Variants in RYR2 observed in about 807,000 individuals in gnomAD.
The protein encoded by RYR2 is cardiac muscle ryanodine receptor-calcium release channel.
A neutral mutation model predicts 601.1 loss-of-function variants in RYR2; 227 were observed. The ratio of observed to expected loss-of-function variants is 0.38; its 90% confidence interval spans 0.34 to 0.42. RYR2 has a LOEUF of 0.42. Among genes scored for constraint, RYR2 ranks in the 10% least tolerant of loss-of-function variants. The probability of loss-of-function intolerance (pLI) is 1.00; values close to 1 mark genes in which losing one functional copy is unlikely to be tolerated. For missense variants in RYR2, 4,646 were observed against 6,156.5 expected (o/e 0.75, Z 8.21); for synonymous variants, 2,223 against 2,175.1 (o/e 1.02, Z -0.61).
intron 1 of RYR2, among the ~76,000 whole-genome samples, chr1:237,108,281 C>T (rs1422180368): frequency 6.6e-6 from 1 of 152,076 alleles, no homozygotes; most frequent in African/African-American, 2.4e-5. Context: ...ATCGGAGGGG[C>T]CCAGTATATG....
chr1:237,766,844 C>T (rs996060635), intron 84 of RYR2, among the ~76,000 whole-genome samples: 6 of 152,128 alleles, frequency 3.9e-5, no homozygotes, highest in Non-Finnish European at 7.4e-5. Flanking sequence ...TGGTCATTTT[C>T]GTTGTCTTGG....
At chr1:237,274,911 A>G (rs959286253) in intron 2 of RYR2, among the ~76,000 whole-genome samples, 36 of 152,124 alleles carry the variant, frequency 2.4e-4, no homozygotes, top group African/African-American at 8.2e-4. Context: ...AATAGGCTAT[A>G]CCGTACATAC....
intron 8 of RYR2, among the ~76,000 whole-genome samples, chr1:237,386,416 G>A (rs542934072): frequency 2.2e-4 from 34 of 152,224 alleles, no homozygotes; most frequent in Non-Finnish European, 4.7e-4. Flanking sequence ...AAGATTTCTG[G>A]GAAATTTCTG....
intron 1 of RYR2, among the ~76,000 whole-genome samples, chr1:237,108,217 C>A (rs1214236417): frequency 6.6e-6 from 1 of 152,180 alleles, no homozygotes; most frequent in East Asian, 1.9e-4. Context: ...CGACCCAGAA[C>A]CTCCAGGAGA....
rs189205421 is a variant in RYR2 at position 237,784,036 on chromosome 1, C to T, written c.12324C>T (p.His4108=). The T allele has an allele frequency of 6.2e-7, 1 of 1,614,038 alleles. No individual in the cohort carries two copies. The highest frequency in any genetic ancestry group is 2.2e-5 in the East Asian group (1 of 44,876). Residue 4108 remains histidine, a synonymous_variant, in exon 90 of 105, where the codon CAC becomes CAT. Coordinates refer to ENST00000366574, the MANE Select transcript of RYR2 (RefSeq NM_001035.3). This position sits in a 1 kb window ranked among gnomAD's most constrained non-coding sequence, Gnocchi z 7.1. ...VAVLLTNLSE[H]MPNDTRLQTF... ...TCCTTCTGACAAACCTCTCTGAGCA[C>T]ATGCCCAACGATACCCGACTTCAGA...
chr1:237,469,074 C>A lies in RYR2; in HGVS notation c.1613-18C>A. Reference sequence around the variant, plus strand: ...CTAGAAAATCACATAAAGGTGAAATCTATTTCTTCTTTTGCAGCGGCTCTA... The same window carrying A: ...CTAGAAAATCACATAAAGGTGAAATATATTTCTTCTTTTGCAGCGGCTCTA... On this transcript the variant is annotated intron_variant, in intron 16 of 104. Coordinates refer to ENST00000366574, the MANE Select transcript of RYR2 (RefSeq NM_001035.3). 1.2e-6 allele frequency: 2 copies of A among 1,605,538 alleles called. No individual in the cohort carries two copies. The highest frequency in any genetic ancestry group is 1.7e-6 in the Non-Finnish European group (2 of 1,172,738).
chr1:237,238,462 C>T (rs1685819726), intron 1 of RYR2, among the ~76,000 whole-genome samples: 1 of 152,324 alleles, frequency 6.6e-6, no homozygotes, highest in African/African-American at 2.4e-5. Context: ...CTACCTTGAA[C>T]ACATGTTCTC....
At chr1:237,288,385 T>G (rs558404223) in intron 2 of RYR2, among the ~76,000 whole-genome samples, 1 of 152,080 alleles carries the variant, frequency 6.6e-6, no homozygotes, top group Non-Finnish European at 1.5e-5. Flanking sequence ...CAAGATTATA[T>G]GTCCTTTGTC....
rs60556267 is a variant in RYR2, at chr1:237,231,441, G to A, written c.49-39056G>A. Among the ~76,000 whole-genome samples, 242 of 151,854 alleles carry A rather than the reference G, an allele frequency of 1.6e-3. 2 individuals are homozygous for A. The highest frequency in any genetic ancestry group is 5.2e-3 in the African/African-American group (214 of 41,424). On this transcript the variant is annotated intron_variant, in intron 1 of 104. Coordinates refer to ENST00000366574, the MANE Select transcript of RYR2 (RefSeq NM_001035.3). ...CTCCCAAATAGCTGGAACTACAGGC[G>A]CACACTACTGCACCCATCTTTTAGC...
chr1:237,649,005 T>C (rs1682452115), intron 49 of RYR2, among the ~76,000 whole-genome samples: 1 of 152,234 alleles, frequency 6.6e-6, no homozygotes, highest in Admixed American at 6.5e-5. Flanking sequence ...AGAATTAAGA[T>C]GATTTAATGG....
At chr1:237,425,067 CAA>C (rs1384718763) in intron 12 of RYR2, among the ~76,000 whole-genome samples, 2 of 152,056 alleles carry the variant, frequency 1.3e-5, no homozygotes, top group East Asian at 1.9e-4. Context: ...ATAATTGTAA[CAA>C]AATTAAAAGT....
chr1:237,634,912 A>G lies in RYR2; in HGVS notation c.6712A>G (p.Thr2238Ala). 6.2e-7 allele frequency: 1 copy of G among 1,609,328 alleles called. No individual in the cohort carries two copies. The highest frequency in any genetic ancestry group is 8.5e-7 in the Non-Finnish European group (1 of 1,177,830). ...AGCCTCCCCAGCTATGAGAGGTTCA[A>G]CACCACTGGATGTGGCTGCAGCTTC... ...GLASPAMRGS[T>A]PLDVAAASVM... is the part of the protein sequence containing the mutation. Residue 2238 changes from threonine (T) to alanine (A), a missense_variant, in exon 44 of 105, where the codon ACA becomes GCA. Thr to Ala is a moderately conservative substitution (Grantham distance 58). Coordinates refer to ENST00000366574, the MANE Select transcript of RYR2 (RefSeq NM_001035.3).
chr1:237,436,127 T>A (rs1296397140), intron 12 of RYR2, among the ~76,000 whole-genome samples: 2 of 152,154 alleles, frequency 1.3e-5, no homozygotes, highest in African/African-American at 4.8e-5. Context: ...CCTTGGATAA[T>A]CTCTCGTTTG....
In RYR2 at chr1:237,660,945, C is replaced by G. The variant is rs377285717; in HGVS notation, c.8434C>G (p.Gln2812Glu). Reference sequence around the variant, plus strand: ...GACTCGTCGTATTTCTCAGACAAGCCAGGTAAGAATTCATCACGGTGATGA... The same window carrying G: ...GACTCGTCGTATTTCTCAGACAAGCGAGGTAAGAATTCATCACGGTGATGA... ...NRTRRISQTS[Q>E]VSVDAAHGYS... The change falls in exon 56 of 105, where the codon CAG becomes GAG. Residue 2812 changes from glutamine (Q) to glutamate (E), a missense_variant and splice_region_variant. By Grantham distance (29) the Gln-to-Glu change is conservative. Coordinates refer to ENST00000366574, the MANE Select transcript of RYR2 (RefSeq NM_001035.3). 1.4e-5 allele frequency: 20 copies of G among 1,414,168 alleles called. No homozygotes were observed. Among genetic ancestry groups the G allele is most frequent in the Non-Finnish European group, 1.9e-5 (20 of 1,075,836 alleles). The allele number at this position is 1,414,168 out of a possible 1,614,324, so 87.6% of individuals were successfully genotyped here.
chr1:237,824,717 T>G (rs138525113), intron 101 of RYR2, among the ~76,000 whole-genome samples: 23 of 152,086 alleles, frequency 1.5e-4, no homozygotes, highest in African/African-American at 4.8e-4. Context: ...GGTATTCAAT[T>G]AGGAAGAAAG....
chr1:237,525,877 G>C lies in RYR2; in HGVS notation c.2823-4550G>C, dbSNP rs1008278710. ...CACCTGTAACCTCAGCTACTTTGGAGACTGGGGCAGTAGAATTGCTTGAAC... is the reference window on the plus strand; with the variant it reads ...CACCTGTAACCTCAGCTACTTTGGACACTGGGGCAGTAGAATTGCTTGAAC... On this transcript the variant is annotated intron_variant, in intron 24 of 104. Transcript: ENST00000366574. 2.0e-5 allele frequency among the ~76,000 whole-genome samples: 3 copies of C among 152,044 alleles called. No individual in the cohort carries two copies. The East Asian group carries it at 5.9e-4, about 30-fold the overall frequency.
chr1:237,816,633 C>T (rs890526872), intron 100 of RYR2, among the ~76,000 whole-genome samples: 2 of 150,502 alleles, frequency 1.3e-5, no homozygotes, highest in African/African-American at 4.9e-5. Context: ...AGGTTGCAGT[C>T]AGTAGAGAAT....
At chr1:237,237,806 A>C (rs551892886) in intron 1 of RYR2, among the ~76,000 whole-genome samples, 1 of 152,208 alleles carries the variant, frequency 6.6e-6, no homozygotes, top group African/African-American at 2.4e-5. Flanking sequence ...GACATTTACC[A>C]TCTGTTATCT....
rs1558141336 is a variant in RYR2, at chr1:237,649,940, C to G, written c.7576C>G (p.Pro2526Ala). ...TCGGTACCTTTGCACAGCCGTCTTG[C>G]CATTGTTAACAAGATGTGCTCCTCT... ...LNRYLCTAVL[P>A]LLTRCAPLFA... Residue 2526 changes from proline (P) to alanine (A), a missense_variant, in exon 50 of 105, where the codon CCA becomes GCA. Physicochemically the swap from Pro to Ala is conservative, Grantham distance 27. Around this residue, in one of 17 missense-constraint regions of RYR2, gnomAD observed 1,497 missense variants for 1,842.6 expected, o/e 0.81. Transcript: ENST00000366574. 1.2e-6 allele frequency: 2 copies of G among 1,613,892 alleles called. No homozygotes were observed. Among genetic ancestry groups the G allele is most frequent in the Non-Finnish European group, 1.7e-6 (2 of 1,179,862 alleles).
Sources: gnomAD v4.1 joint callset for allele counts (sites outside exome capture counted in the v4.1 genomes callset) on GRCh38, gnomAD v4.1.1 for gene constraint, gnomAD v4.1.1 regional missense constraint, Gnocchi (gnomAD v3.1) non-coding constraint, MANE v1.5 for transcripts, NCBI Gene and HGNC (gene_info 2026-07-23, HGNC 2026-07-21) for gene names.